The following AFAP1 variants were observed in gnomAD, a reference collection of about 807,000 sequenced individuals.
AFAP1 encodes actin filament associated protein 1, also known as actin filament-associated protein 1.
Under a neutral mutation model 93.9 loss-of-function variants are expected in AFAP1, and 75 were observed. That is an observed-to-expected ratio of 0.80 (90% CI 0.66 to 0.97). AFAP1 has a LOEUF of 0.97. AFAP1 is among the 50% of genes least tolerant of loss of function. The pLI, the probability that AFAP1 is intolerant of heterozygous loss-of-function variation, is 0.00. For synonymous variants in AFAP1, 517 were observed against 430.7 expected (o/e 1.20, Z -2.48); for missense variants, 1,201 against 1,050.8 (o/e 1.14, Z -1.98).
At chr4:7,773,859 A>C (rs1715770200) in intron 15 of AFAP1, 1 of 152,388 alleles carries the variant, frequency 6.6e-6, no homozygotes. Flanking sequence ...TCATCAGATC[A>C]TTGAGGCACA....
intron 1 of AFAP1, among the ~76,000 whole-genome samples, chr4:7,918,756 G>C (rs1307000488): frequency 7.3e-5 from 9 of 123,092 alleles, no homozygotes; most frequent in African/African-American, 3.2e-4. Flanking sequence ...CCAAGAAACA[G>C]GGCTGCCAGA....
chr4:7,798,770 G>A (rs1445109461), intron 10 of AFAP1: 2 of 457,172 alleles, frequency 4.4e-6, no homozygotes, highest in East Asian at 1.5e-4. Context: ...CAGCTACTGT[G>A]CCCCCAGCAA....
Position 7,781,379 on chromosome 4 carries a change from C to T in AFAP1, c.1779G>A (p.Ser593=). ...CTTACAGAAGAAGATGCCGTACCTG[C>T]GAGTTGAGCCCGAGAGACGCCCTCC... ...SVGRASLGLN[S]QLKGKKPPVA... is the part of the protein sequence containing the mutation. The change falls in exon 13 of 18, where the codon TCG becomes TCA. Residue 593 remains serine, a synonymous_variant. Coordinates refer to ENST00000420658, the MANE Select transcript of AFAP1 (RefSeq NM_001134647.2). 5 of 1,551,358 alleles carry T rather than the reference C, an allele frequency of 3.2e-6. No homozygotes were observed. Among genetic ancestry groups the T allele is most frequent in the Middle Eastern group, 1.7e-4 (1 of 5,990 alleles).
Position 7,899,857 on chromosome 4 carries a change from A to AAAATAAATAAAT in AFAP1, c.-2-27789_-2-27778dup, listed in dbSNP as rs10523683. Among the ~76,000 whole-genome samples the AAAATAAATAAAT allele has an allele frequency of 5.3e-3, 785 of 149,252 alleles. 3 individuals are homozygous for AAAATAAATAAAT. Among genetic ancestry groups the AAAATAAATAAAT allele is most frequent in the African/African-American group, 0.016 (632 of 40,700 alleles). On this transcript the variant is annotated intron_variant, in intron 1 of 17. Coordinates refer to ENST00000420658, the MANE Select transcript of AFAP1 (RefSeq NM_001134647.2). ...GCCACCTGAGGGGTTGTGCTCTTTA[A>AAAATAAATAAAT]AAATAAATAAATAAATAAATAAATA...
At position 7,868,728 on chromosome 4, in the gene AFAP1, A is replaced by G. The variant is rs930183342; in HGVS notation, c.128-9T>C. On this transcript the variant is annotated splice_polypyrimidine_tract_variant and intron_variant, in intron 2 of 17. Transcript: ENST00000420658. ...GTCCTTCACATCAAAACCTGTAAGA[A>G]TTAACCAGAACCACAGAACTGGATG... 2.1e-5 allele frequency: 34 copies of G among 1,612,376 alleles called. No homozygotes were observed. Among genetic ancestry groups the G allele is most frequent in the Non-Finnish European group, 2.9e-5 (34 of 1,179,578 alleles).
chr4:7,811,250 C>G (rs1045103527), intron 8 of AFAP1, among the ~76,000 whole-genome samples: 8 of 149,084 alleles, frequency 5.4e-5, no homozygotes, highest in Non-Finnish European at 1.2e-4. Flanking sequence ...AATCCCTCAA[C>G]CCGCTGGCTG....
At chr4:7,773,754 G>A (rs1715758080) in intron 15 of AFAP1, 1 of 152,468 alleles carries the variant, frequency 6.6e-6, no homozygotes, top group Non-Finnish European at 1.5e-5. Context: ...GTCAGCCTCA[G>A]ACTGCAGGCC....
At chr4:7,816,807 A>G (rs538189792) in intron 7 of AFAP1, among the ~76,000 whole-genome samples, 2 of 152,242 alleles carry the variant, frequency 1.3e-5, no homozygotes, top group Non-Finnish European at 2.9e-5. Context: ...AGACTGGGAC[A>G]CAGATGAGAT....
In AFAP1 at chr4:7,933,779, C is replaced by A. The variant is rs147620287; in HGVS notation, c.-3+5877G>T. On this transcript the variant is annotated intron_variant, in intron 1 of 17. Transcript: ENST00000420658. Reference sequence around the variant, plus strand: ...AGGGGACACCTCAGTCCTGCAACCACAAGGAACTATATTTGGCCAAAAGTG... The same window carrying A: ...AGGGGACACCTCAGTCCTGCAACCAAAAGGAACTATATTTGGCCAAAAGTG... 1.6e-3 allele frequency among the ~76,000 whole-genome samples: 249 copies of A among 152,262 alleles called. 1 individual carries two copies. Among genetic ancestry groups the A allele is most frequent in the African/African-American group, 5.4e-3 (225 of 41,548 alleles).
At chr4:7,867,265 G>C (rs966843497) in intron 3 of AFAP1, among the ~76,000 whole-genome samples, 2 of 152,176 alleles carry the variant, frequency 1.3e-5, no homozygotes, top group Non-Finnish European at 2.9e-5. Flanking sequence ...GCTGCTCTGA[G>C]GAGGGATTAG....
chr4:7,879,822 C>T (rs1447765839), intron 1 of AFAP1, among the ~76,000 whole-genome samples: 2 of 151,360 alleles, frequency 1.3e-5, no homozygotes, highest in Non-Finnish European at 2.9e-5. Flanking sequence ...CGCACCACGA[C>T]GCCCAACTAA....
chr4:7,769,113 G>T, intron 16 of AFAP1, 105 bp from the exon 17 acceptor site: 1 of 1,419,378 alleles, frequency 7.0e-7, no homozygotes, highest in South Asian at 1.4e-5. Context: ...TTTGGAAATG[G>T]GCAAAAATAA....
intron 3 of AFAP1, among the ~76,000 whole-genome samples, chr4:7,860,532 T>G (rs536885416): frequency 6.6e-6 from 1 of 152,236 alleles, no homozygotes; most frequent in South Asian, 2.1e-4. Flanking sequence ...TTTTCTCTCG[T>G]TCAGAAAATA....
At chr4:7,914,804 C>T (rs771128493) in intron 1 of AFAP1, among the ~76,000 whole-genome samples, 6 of 152,134 alleles carry the variant, frequency 3.9e-5, no homozygotes, top group Non-Finnish European at 7.3e-5. Flanking sequence ...AGTACAGTGG[C>T]GCGATCTCAG....
Position 7,819,073 on chromosome 4 carries a change from T to C in AFAP1, c.822+3A>G. On this transcript the variant is annotated splice_donor_region_variant and intron_variant, in intron 7 of 17. Coordinates refer to ENST00000420658, the MANE Select transcript of AFAP1 (RefSeq NM_001134647.2). ...CCCCACCCAGCAAGAGCAGCGCCCT[T>C]ACCTTCTCCAGTTCTGCCTTGTGCA... The C allele has an allele frequency of 6.2e-7, 1 of 1,606,916 alleles. No individual in the cohort carries two copies. The highest frequency in any genetic ancestry group is 8.5e-7 in the Non-Finnish European group (1 of 1,177,014).
At chr4:7,869,663 T>C (rs1716847776) in intron 2 of AFAP1, among the ~76,000 whole-genome samples, 1 of 152,118 alleles carries the variant, frequency 6.6e-6, no homozygotes, top group South Asian at 2.1e-4. Context: ...CTAACACTCA[T>C]TTGGAAAGGC....
intron 1 of AFAP1, among the ~76,000 whole-genome samples, chr4:7,932,232 T>TA (rs11403248): frequency 0.24 from 35,813 of 151,526 alleles, 5,308 homozygotes; most frequent in East Asian, 0.74. Context: ...AAAAACTTCA[T>TA]AAAAAAAAAT....
intron 10 of AFAP1, among the ~76,000 whole-genome samples, chr4:7,797,098 C>T (rs1405955583): frequency 6.6e-6 from 1 of 152,110 alleles, no homozygotes; most frequent in African/African-American, 2.4e-5. Context: ...TGAATTCCCA[C>T]TGATATACAT....
At chr4:7,937,581 G>A (rs1721463951) in intron 1 of AFAP1, among the ~76,000 whole-genome samples, 1 of 152,150 alleles carries the variant, frequency 6.6e-6, no homozygotes, top group Non-Finnish European at 1.5e-5. Flanking sequence ...CCGCCTCCTG[G>A]GTTCAAGCTA....
Sources: gnomAD v4.1 joint callset for allele counts (sites outside exome capture counted in the v4.1 genomes callset) on GRCh38, gnomAD v4.1.1 for gene constraint, MANE v1.5 for transcripts, NCBI Gene and HGNC (gene_info 2026-07-23, HGNC 2026-07-21) for gene names.